Variants in ZSCAN2 observed in about 807,000 individuals in gnomAD.
ZSCAN2 encodes zinc finger and SCAN domain-containing protein 2.
ZSCAN2 carries 26 observed loss-of-function variants against 47.8 expected under a neutral mutation model. That is an observed-to-expected ratio of 0.54 (90% confidence interval 0.40 to 0.75). The LOEUF (loss-of-function observed/expected upper bound fraction) is 0.75, where lower values mean the gene tolerates loss of function less well. ZSCAN2 is among the 30% of genes least tolerant of loss of function. ZSCAN2 has a pLI of 0.00. For missense variants in ZSCAN2, 732 were observed against 785.4 expected (o/e 0.93, Z 0.81); for synonymous variants, 305 against 288.7 (o/e 1.06, Z -0.57).
chr15:84,612,752 G>A (rs1249631638), intron 2 of ZSCAN2, among the ~76,000 whole-genome samples: 3 of 151,940 alleles, frequency 2.0e-5, no homozygotes, highest in Admixed American at 1.3e-4. Flanking sequence ...AAAAAAAAGG[G>A]GGAAATGACA....
At position 84,604,251 on chromosome 15, in the gene ZSCAN2, T is replaced by A; in HGVS notation, c.324T>A (p.Ala108=). The change falls in exon 2 of 3, where the codon GCT becomes GCA. Residue 108 remains alanine, a synonymous_variant. Coordinates refer to ENST00000546148, the MANE Select transcript of ZSCAN2 (RefSeq NM_181877.4). ...CCATGCTGCCAAAGGAAATTCAGGC[T>A]TGGCTGCAAGAGCATCGGCCTGAAA... ...MLTMLPKEIQ[A]WLQEHRPESS... 6.2e-7 allele frequency: 1 copy of A among 1,614,128 alleles called. No individual in the cohort carries two copies. Among genetic ancestry groups the A allele is most frequent in the Non-Finnish European group, 8.5e-7 (1 of 1,180,034 alleles).
At chr15:84,611,498 A>G (rs759614788) in intron 2 of ZSCAN2, among the ~76,000 whole-genome samples, 3 of 151,962 alleles carry the variant, frequency 2.0e-5, no homozygotes, top group Non-Finnish European at 4.4e-5. Flanking sequence ...CTGTCATCCC[A>G]GCACTTTGGG....
At chr15:84,611,402 C>T (rs1034408048) in intron 2 of ZSCAN2, among the ~76,000 whole-genome samples, 5 of 152,060 alleles carry the variant, frequency 3.3e-5, no homozygotes, top group Non-Finnish European at 5.9e-5. Flanking sequence ...CTTAAGTGAG[C>T]CAAGATCCCA....
intron 2 of ZSCAN2, among the ~76,000 whole-genome samples, chr15:84,618,498 T>C (rs934647028): frequency 6.6e-6 from 1 of 152,024 alleles, no homozygotes; most frequent in Non-Finnish European, 1.5e-5. Flanking sequence ...AAGAGGACAT[T>C]GTGTGGTATA....
At chr15:84,609,209 T>G (rs1009647323) in intron 2 of ZSCAN2, among the ~76,000 whole-genome samples, 9 of 150,496 alleles carry the variant, frequency 6.0e-5, no homozygotes, top group African/African-American at 2.3e-4. Context: ...TTATGTCTTT[T>G]TAAAGCTACA....
intron 2 of ZSCAN2, among the ~76,000 whole-genome samples, chr15:84,606,056 A>G (rs1482114592): frequency 1.3e-5 from 2 of 152,182 alleles, no homozygotes; most frequent in Non-Finnish European, 2.9e-5. Flanking sequence ...GACACTTCCT[A>G]GTGGGTGTTG....
At chr15:84,607,278 A>G (rs1265728354) in intron 2 of ZSCAN2, among the ~76,000 whole-genome samples, 1 of 151,990 alleles carries the variant, frequency 6.6e-6, no homozygotes, top group Non-Finnish European at 1.5e-5. Flanking sequence ...CCTTCATCCC[A>G]GCTCTTCCAC....
At chr15:84,613,605 G>A (rs1895613710) in intron 2 of ZSCAN2, among the ~76,000 whole-genome samples, 1 of 152,024 alleles carries the variant, frequency 6.6e-6, no homozygotes, top group Admixed American at 6.5e-5. Context: ...ACTGCACCCG[G>A]CCGAGATTTC....
intron 1 of ZSCAN2, among the ~76,000 whole-genome samples, chr15:84,601,390 A>T (rs1036276302): frequency 6.6e-6 from 1 of 152,086 alleles, no homozygotes; most frequent in Non-Finnish European, 1.5e-5. Context: ...GGGAAGGGGC[A>T]TTCGACGACA....
intron 1 of ZSCAN2, among the ~76,000 whole-genome samples, chr15:84,602,865 A>G (rs1331490622): frequency 6.6e-6 from 1 of 152,186 alleles, no homozygotes. Flanking sequence ...CTGGGATTAC[A>G]GGCAACCACG....
rs763800056 is a variant in ZSCAN2, at chr15:84,620,868, C to A, written c.673C>A (p.Pro225Thr). Residue 225 changes from proline to threonine, a missense_variant, in exon 3 of 3, where the codon CCC becomes ACC. Pro to Thr is a conservative substitution (Grantham distance 38). Coordinates refer to ENST00000546148, the MANE Select transcript of ZSCAN2 (RefSeq NM_181877.4). The stretch of plus-strand genomic sequence containing the variant: ...CCTAGGGGAGAAGCCCTACGAATGT[C>A]CCCAGTGTGGGAAGACCTTCAGCCG... The part of the protein sequence containing the change: ...TYLGEKPYEC[P>T]QCGKTFSRKS... The A allele has an allele frequency of 2.4e-5, 38 of 1,613,856 alleles. No homozygotes were observed. The highest frequency in any genetic ancestry group is 2.7e-5 in the African/African-American group (2 of 74,860).
At chr15:84,613,981 CTTTTTTTT>C (rs35815000) in intron 2 of ZSCAN2, among the ~76,000 whole-genome samples, 33 of 52,340 alleles carry the variant, frequency 6.3e-4, no homozygotes, top group East Asian at 5.3e-3. Context: ...CTCTTGGCCT[CTTTTTTTT>C]TTTTTTTTTT....
intron 2 of ZSCAN2, chr15:84,616,618 G>A: frequency 1.7e-6 from 2 of 1,208,952 alleles, no homozygotes; most frequent in Non-Finnish European, 2.1e-6. Context: ...TGTTTTCCTT[G>A]TTGCTTCCGA....
In ZSCAN2 at chr15:84,622,093, GC is replaced by G; in HGVS notation, c.*57del. On this transcript the variant is annotated 3_prime_UTR_variant, in exon 3 of 3. Transcript: ENST00000546148. ...GGCCTGGAGTGGGAGTTGCCACACTGCCCCAACAGTGATTCCCTTTCAAAGA... is the reference window on the plus strand; with the variant it reads ...GGCCTGGAGTGGGAGTTGCCACACTGCCCAACAGTGATTCCCTTTCAAAGA... 1 of 1,421,034 alleles carries G rather than the reference GC, an allele frequency of 7.0e-7. No homozygotes were observed. Among genetic ancestry groups the G allele is most frequent in the Non-Finnish European group, 9.6e-7 (1 of 1,040,662 alleles). 88.0% of individuals were successfully genotyped at this position (1,421,034 alleles called of 1,614,324 possible). A position where few individuals can be genotyped will look rare whatever the true frequency, so the allele number is the denominator to read the frequency against.
At chr15:84,609,080 A>G (rs1282567332) in intron 2 of ZSCAN2, among the ~76,000 whole-genome samples, 1 of 152,256 alleles carries the variant, frequency 6.6e-6, no homozygotes, top group Non-Finnish European at 1.5e-5. Context: ...TTCAGCCATC[A>G]GAGGCAACAG....
At chr15:84,606,947 C>G in intron 2 of ZSCAN2, 4 of 847,482 alleles carry the variant, frequency 4.7e-6, no homozygotes, top group Non-Finnish European at 5.8e-6. Flanking sequence ...CGACATAAGG[C>G]CGCGTGACCT....
chr15:84,611,155 C>T (rs1208583899), intron 2 of ZSCAN2, among the ~76,000 whole-genome samples: 2 of 151,732 alleles, frequency 1.3e-5, no homozygotes, highest in African/African-American at 4.8e-5. Context: ...ATTAGCCGGG[C>T]ATGTGGTGGT....
rs1166433323 is a variant in ZSCAN2, at chr15:84,620,763, C to T, written c.568C>T (p.His190Tyr). ...TGCTGGCATCCAGAGGCTCCAGGGA[C>T]ACAGCCCAGGTGAGGACCACGGGGA... ...RDAGIQRLQGHSPGEDHGEVV... is the reference protein window; with the variant it reads ...RDAGIQRLQGYSPGEDHGEVV... The change falls in exon 3 of 3, where the codon CAC (histidine) becomes TAC (tyrosine). Residue 190 changes from histidine (H) to tyrosine (Y), a missense_variant. Coordinates refer to ENST00000546148, the MANE Select transcript of ZSCAN2 (RefSeq NM_181877.4). 6.2e-7 allele frequency: 1 copy of T among 1,614,226 alleles called. No individual in the cohort carries two copies. The highest frequency in any genetic ancestry group is 1.7e-5 in the Admixed American group (1 of 60,024).
chr15:84,620,404 G>A (rs1235522075), intron 2 of ZSCAN2, among the ~76,000 whole-genome samples, 198 bp from the exon 3 acceptor site: 1 of 152,170 alleles, frequency 6.6e-6, no homozygotes, highest in Non-Finnish European at 1.5e-5. Flanking sequence ...CATTGAACAT[G>A]TGTGTGCATG....
Sources: allele counts gnomAD v4.1 joint callset (sites outside exome capture counted in the v4.1 genomes callset), GRCh38; gene constraint gnomAD v4.1.1; transcripts MANE v1.5; gene names NCBI Gene and HGNC (gene_info 2026-07-23, HGNC 2026-07-21).